Variants in TPCN1 observed in about 807,000 individuals in gnomAD.
TPCN1 encodes the protein two pore segment channel 1, also known as two pore channel protein 1.
A neutral mutation model predicts 108.8 loss-of-function variants in TPCN1; 52 were observed. That is an observed-to-expected ratio of 0.48 (90% CI 0.38 to 0.60). The LOEUF is 0.60. Ranked by LOEUF, TPCN1 falls within the 20% of genes least tolerant of loss-of-function variation. The pLI is 0.00. For synonymous variants in TPCN1, 446 were observed against 433.7 expected, an observed-to-expected ratio of 1.03 and a Z score of -0.35; for missense variants, 806 against 1,072.8, an observed-to-expected ratio of 0.75 and a Z score of 3.47.
rs768737763 is a variant in TPCN1, at chr12:113,276,982, C to G, written c.1006C>G (p.Leu336Val). The change falls in exon 11 of 28, where the codon CTG becomes GTG. Residue 336 changes from leucine (L) to valine (V), a missense_variant. Leu to Val is a conservative substitution (Grantham distance 32). Transcript: ENST00000335509. ...GAAACGCAAGTTCAAGTCTTTGCTA[C>G]TGCACAAGCGAACCGCTATCCAGCA... Reference protein sequence around the residue: ...IEKRKFKSLLLHKRTAIQHAY... With the variant: ...IEKRKFKSLLVHKRTAIQHAY... The G allele has an allele frequency of 1.2e-6, 2 of 1,614,116 alleles. No individual in the cohort carries two copies. The highest frequency in any genetic ancestry group is 1.7e-5 in the Admixed American group (1 of 60,030).
Position 113,297,245 on chromosome 12 carries a change from C to G in TPCN1, c.*1169C>G, listed in dbSNP as rs1471302649. 1 of 153,046 alleles carries G rather than the reference C, an allele frequency of 6.5e-6. No individual in the cohort carries two copies. The highest frequency in any genetic ancestry group is 2.4e-5 in the African/African-American group (1 of 41,458). The allele number at this position is 153,046 out of a possible 1,614,324, so 9.5% of individuals were successfully genotyped here. On this transcript the variant is annotated 3_prime_UTR_variant, in exon 28 of 28. Transcript: ENST00000335509. The surrounding 1 kb of genome is among the most constrained non-coding windows in gnomAD (Gnocchi z 4.4). Reference sequence around the variant, plus strand: ...AGGAGGGTTGCCAGCTGCAGTGACCCTGCCACAGAGGCAGGGTCAGTGCAG... The same window carrying G: ...AGGAGGGTTGCCAGCTGCAGTGACCGTGCCACAGAGGCAGGGTCAGTGCAG...
chr12:113,237,264 G>A (rs1348023278), intron 2 of TPCN1, among the ~76,000 whole-genome samples: 3 of 152,114 alleles, frequency 2.0e-5, no homozygotes, highest in Non-Finnish European at 2.9e-5. Context: ...AGTAGGAGCC[G>A]GATTTGGCAT....
In TPCN1 at chr12:113,298,238, C is replaced by A. The variant is rs1302302152; in HGVS notation, c.*2162C>A. 6.6e-6 allele frequency: 1 copy of A among 152,336 alleles called. No individual in the cohort carries two copies. The highest frequency in any genetic ancestry group is 6.5e-5 in the Admixed American group (1 of 15,288). The allele number at this position is 152,336 out of a possible 1,614,324, so 9.4% of individuals were successfully genotyped here. A position where few individuals can be genotyped will look rare whatever the true frequency, so the allele number is the denominator to read the frequency against. On this transcript the variant is annotated 3_prime_UTR_variant, in exon 28 of 28. Coordinates refer to ENST00000335509, the MANE Select transcript of TPCN1 (RefSeq NM_017901.6). Reference sequence around the variant, plus strand: ...ATCCCCAGGTTATGCCTGGCCCCACCCAGCAGGGAGTTGGGGTCCCCCCAC... The same window carrying A: ...ATCCCCAGGTTATGCCTGGCCCCACACAGCAGGGAGTTGGGGTCCCCCCAC...
intron 7 of TPCN1, among the ~76,000 whole-genome samples, chr12:113,270,166 A>T (rs1461581472): frequency 6.6e-6 from 1 of 152,116 alleles, no homozygotes; most frequent in Non-Finnish European, 1.5e-5. Context: ...ACTGCTTTCC[A>T]GCCTGGGCAA....
In TPCN1 at chr12:113,288,527, GT is replaced by G; in HGVS notation, c.1707-230del. 6.7e-7 allele frequency: 1 copy of G among 1,488,584 alleles called. No homozygotes were observed. Among genetic ancestry groups the G allele is most frequent in the Non-Finnish European group, 8.9e-7 (1 of 1,121,030 alleles). The allele number at this position is 1,488,584 out of a possible 1,614,324, so 92.2% of individuals were successfully genotyped here. On this transcript the variant is annotated intron_variant, in intron 20 of 27. Transcript: ENST00000335509. The surrounding 1 kb of genome is among the most constrained non-coding windows in gnomAD (Gnocchi z 4.8). Reference sequence around the variant, plus strand: ...GTCACCTGTGAGTCTACCTTCACAGGTAAGGGGTGAATCTCTGGGAAAGGGG... The same window carrying G: ...GTCACCTGTGAGTCTACCTTCACAGGAAGGGGTGAATCTCTGGGAAAGGGG...
In TPCN1 at chr12:113,232,878, G is replaced by A. The variant is rs1354702239; in HGVS notation, c.112+5914G>A. ...TTCTTGCCTCACTCCTGGCACAGCA[G>A]GTGGCCCCTGCCAAGCTGGGACGCC... On this transcript the variant is annotated intron_variant, in intron 2 of 27. Transcript: ENST00000335509. The surrounding 1 kb of genome is among the most constrained non-coding windows in gnomAD (Gnocchi z 5.6). Among the ~76,000 whole-genome samples, 1 of 152,220 alleles carries A rather than the reference G, an allele frequency of 6.6e-6. No individual in the cohort carries two copies. The highest frequency in any genetic ancestry group is 2.1e-4 in the South Asian group (1 of 4,834).
intron 22 of TPCN1, 36 bp from the exon 23 acceptor site, chr12:113,290,916 C>T (rs1391187582): frequency 1.9e-6 from 3 of 1,609,160 alleles, no homozygotes; most frequent in Non-Finnish European, 2.6e-6. Context: ...GAAGTGGGGT[C>T]TCATCAGGAT....
intron 15 of TPCN1, among the ~76,000 whole-genome samples, chr12:113,281,026 T>A (rs1379151159): frequency 3.7e-4 from 56 of 152,176 alleles, no homozygotes; most frequent in African/African-American, 1.3e-3. Context: ...AAGACTGATT[T>A]CATCAATCTT....
At position 113,284,456 on chromosome 12, in the gene TPCN1, T is replaced by C; in HGVS notation, c.1343-125T>C. 1 of 1,034,796 alleles carries C rather than the reference T, an allele frequency of 9.7e-7. No individual in the cohort carries two copies. Among genetic ancestry groups the C allele is most frequent in the Admixed American group, 1.9e-5 (1 of 52,818 alleles). 64.1% of individuals were successfully genotyped at this position (1,034,796 alleles called of 1,614,324 possible). On this transcript the variant is annotated intron_variant, in intron 15 of 27. Transcript: ENST00000335509. This position sits in a 1 kb window ranked among gnomAD's most constrained non-coding sequence, Gnocchi z 4.1. ...AGAAGTTCCCTATCAAATGGGTGTG[T>C]GGAGCAGCCCTGTTCTCCCCATCCC... is the stretch of plus-strand genomic sequence containing the variant.
chr12:113,257,637 CAT>C (rs748785025), intron 2 of TPCN1, among the ~76,000 whole-genome samples: 1 of 152,108 alleles, frequency 6.6e-6, no homozygotes, highest in African/African-American at 2.4e-5. Flanking sequence ...AAAAGTTAAA[CAT>C]GTGATCTAGC....
chr12:113,266,479 A>G lies in TPCN1; in HGVS notation c.414+123A>G. 1 of 1,337,412 alleles carries G rather than the reference A, an allele frequency of 7.5e-7. No individual in the cohort carries two copies. The highest frequency in any genetic ancestry group is 1.0e-6 in the Non-Finnish European group (1 of 972,340). 82.8% of individuals were successfully genotyped at this position (1,337,412 alleles called of 1,614,324 possible). A position where few individuals can be genotyped will look rare whatever the true frequency, so the allele number is the denominator to read the frequency against. ...GCAAACGGACTTAAAACAGAGAGATACGAGGTGGTCATAGAGGCCTTGGGA... is the reference window on the plus strand; with the variant it reads ...GCAAACGGACTTAAAACAGAGAGATGCGAGGTGGTCATAGAGGCCTTGGGA... On this transcript the variant is annotated intron_variant, in intron 4 of 27. Coordinates refer to ENST00000335509, the MANE Select transcript of TPCN1 (RefSeq NM_017901.6). The surrounding 1 kb of genome is among the most constrained non-coding windows in gnomAD (Gnocchi z 4.2).
At chr12:113,234,533 G>T (rs1471366852) in intron 2 of TPCN1, among the ~76,000 whole-genome samples, 1 of 152,190 alleles carries the variant, frequency 6.6e-6, no homozygotes, top group East Asian at 1.9e-4. Context: ...AACTAAATTG[G>T]GACCATTGGT....
chr12:113,277,080 C>T (rs1380845227), intron 11 of TPCN1, 45 bp downstream of exon 11: 3 of 1,597,922 alleles, frequency 1.9e-6, no homozygotes, highest in East Asian at 2.2e-5. Context: ...TGTCCTCCCT[C>T]CCTTGCCCAG....
At chr12:113,259,042 T>C (rs1954921757) in intron 2 of TPCN1, among the ~76,000 whole-genome samples, 1 of 151,780 alleles carries the variant, frequency 6.6e-6, no homozygotes, top group Non-Finnish European at 1.5e-5. Flanking sequence ...AGTGATGCGA[T>C]TTTGGCTCAC....
At position 113,287,075 on chromosome 12, in the gene TPCN1, C is replaced by T. The variant is rs755945359; in HGVS notation, c.1615C>T (p.Arg539Cys). The change falls in exon 19 of 28, where the codon CGC (arginine) becomes TGC (cysteine). Residue 539 changes from arginine to cysteine, a missense_variant. Transcript: ENST00000335509. ...GCCCTTCTATTTCATCGTGGTCCTG[C>T]GCCCCCTCCAGCTGCTGAGGTGATG... ...MEPFYFIVVLRPLQLLRLFKL... is the reference protein window; with the variant it reads ...MEPFYFIVVLCPLQLLRLFKL... 9 of 1,613,548 alleles carry T rather than the reference C, an allele frequency of 5.6e-6. No individual in the cohort carries two copies. Among genetic ancestry groups the T allele is most frequent in the South Asian group, 1.1e-5 (1 of 91,070 alleles).
rs761307152 is a variant in TPCN1, at chr12:113,273,323, C to T, written c.842+33C>T. The T allele has an allele frequency of 1.5e-5, 24 of 1,607,438 alleles. No homozygotes were observed. The highest frequency in any genetic ancestry group is 2.0e-5 in the Non-Finnish European group (24 of 1,173,862). On this transcript the variant is annotated intron_variant, in intron 9 of 27. Coordinates refer to ENST00000335509, the MANE Select transcript of TPCN1 (RefSeq NM_017901.6). The surrounding 1 kb of genome is among the most constrained non-coding windows in gnomAD (Gnocchi z 4.0). ...CAGGCTCTGCCTTGCCTTTGGTCCTCTGCTGCCGCCCTGGGGTCTCTTTCT... is the reference window on the plus strand; with the variant it reads ...CAGGCTCTGCCTTGCCTTTGGTCCTTTGCTGCCGCCCTGGGGTCTCTTTCT...
Position 113,277,310 on chromosome 12 carries a change from G to A in TPCN1, c.1130G>A (p.Arg377Lys), listed in dbSNP as rs1955709174. The part of the protein sequence containing the change: ...MRFYKPRMSA[R>K]ERYLTFKALN... ...TTCTACAAGCCCCGGATGAGTGCCA[G>A]GGAGCGCTATCTTACCTTCAAGGCC... The change falls in exon 12 of 28, where the codon AGG becomes AAG. Residue 377 changes from arginine (R) to lysine (K), a missense_variant. Coordinates refer to ENST00000335509, the MANE Select transcript of TPCN1 (RefSeq NM_017901.6). 1.9e-6 allele frequency: 3 copies of A among 1,614,076 alleles called. No homozygotes were observed. The highest frequency in any genetic ancestry group is 1.7e-5 in the Admixed American group (1 of 60,010).
rs150514083 is a variant in TPCN1, at chr12:113,244,244, G to A, written c.113-16124G>A. 1.5e-3 allele frequency: 1,386 copies of A among 946,128 alleles called. 19 individuals are homozygous for A. In the African/African-American group the frequency reaches 0.023, roughly 16 times the overall value. The allele number at this position is 946,128 out of a possible 1,614,324, so 58.6% of individuals were successfully genotyped here. On this transcript the variant is annotated intron_variant, in intron 2 of 27. Transcript: ENST00000335509. ...AGGGCTTGACCCGTGGTACTGCCCC[G>A]TTGAGCCTTTCTTTTTCCCTTTCCT... is the stretch of plus-strand genomic sequence containing the variant.
At chr12:113,278,310 A>C in intron 13 of TPCN1, 73 bp downstream of exon 13, 4 of 1,349,732 alleles carry the variant, frequency 3.0e-6, no homozygotes, top group South Asian at 1.2e-5. Context: ...GAGCAGGGGC[A>C]CCCCGAGATC....
Sources: allele counts gnomAD v4.1 joint callset (sites outside exome capture counted in the v4.1 genomes callset), GRCh38; gene constraint gnomAD v4.1.1; non-coding constraint Gnocchi (gnomAD v3.1); transcripts MANE v1.5; gene names NCBI Gene and HGNC (gene_info 2026-07-23, HGNC 2026-07-21).